The following VWC2L variants were observed in gnomAD, a reference collection of about 807,000 sequenced individuals.
The protein encoded by VWC2L is von Willebrand factor C domain containing 2 like, also known as von Willebrand factor C domain-containing protein 2-like.
VWC2L carries 10 observed loss-of-function variants against 21.6 expected under a neutral mutation model. The ratio of observed to expected loss-of-function variants is 0.46; its 90% confidence interval spans 0.29 to 0.78. The LOEUF is 0.78. VWC2L is among the 30% of genes least tolerant of loss of function. The probability of loss-of-function intolerance (pLI) is 0.10; values close to 1 mark genes in which losing one functional copy is unlikely to be tolerated. For missense variants in VWC2L, 209 were observed against 277.1 expected (o/e 0.75, Z 1.74); for synonymous variants, 96 against 94.3 (o/e 1.02, Z -0.10).
At chr2:214,442,432 T>G (rs948410682) in intron 3 of VWC2L, among the ~76,000 whole-genome samples, 1 of 152,156 alleles carries the variant, frequency 6.6e-6, no homozygotes, top group Non-Finnish European at 1.5e-5. Flanking sequence ...AATACAAAAA[T>G]TATTATCTCA....
At chr2:214,510,599 T>C (rs1689037446) in intron 3 of VWC2L, among the ~76,000 whole-genome samples, 1 of 152,220 alleles carries the variant, frequency 6.6e-6, no homozygotes, top group South Asian at 2.1e-4. Flanking sequence ...GTCAATCTAA[T>C]ATCAAATACT....
intron 2 of VWC2L, among the ~76,000 whole-genome samples, chr2:214,423,875 G>T (rs548250562): frequency 6.6e-6 from 1 of 151,916 alleles, no homozygotes; most frequent in Non-Finnish European, 1.5e-5. Context: ...GCTTTCTCAT[G>T]TATTTTGATG....
chr2:214,487,603 G>C (rs1688688327), intron 3 of VWC2L, among the ~76,000 whole-genome samples: 1 of 152,172 alleles, frequency 6.6e-6, no homozygotes, highest in Non-Finnish European at 1.5e-5. Flanking sequence ...CCTGAGCTAT[G>C]TTTTTAAGAA....
At chr2:214,421,989 A>G (rs572463622) in intron 2 of VWC2L, among the ~76,000 whole-genome samples, 1 of 138,472 alleles carries the variant, frequency 7.2e-6, no homozygotes, top group Non-Finnish European at 1.5e-5. Context: ...TCCCGGGTTC[A>G]CGCCATTCTC....
chr2:214,442,076 T>G (rs1043780129), intron 3 of VWC2L, among the ~76,000 whole-genome samples: 35 of 152,030 alleles, frequency 2.3e-4, no homozygotes, highest in African/African-American at 8.2e-4. Flanking sequence ...CACACCCGGC[T>G]AATTTTTGTA....
intron 3 of VWC2L, among the ~76,000 whole-genome samples, chr2:214,503,730 GAAA>G (rs5838438): frequency 7.0e-6 from 1 of 143,190 alleles, no homozygotes; most frequent in African/African-American, 2.6e-5. Flanking sequence ...CCAGAAATGA[GAAA>G]AAAAAAAAAA....
intron 3 of VWC2L, among the ~76,000 whole-genome samples, chr2:214,569,283 A>G (rs542410012): frequency 7.9e-5 from 12 of 152,056 alleles, no homozygotes; most frequent in Non-Finnish European, 1.6e-4. Flanking sequence ...TATAGCAACC[A>G]TGGTGCAGTT....
At position 214,443,053 on chromosome 2, in the gene VWC2L, G is replaced by A. The variant is rs558184897; in HGVS notation, c.520+6295G>A. On this transcript the variant is annotated intron_variant, in intron 3 of 3. Transcript: ENST00000312504. ...AATGAAGAGTCTAATATCATCTCAG[G>A]TTAGGGTTTAATCTCACCTGAGTTT... is the stretch of plus-strand genomic sequence containing the variant. Among the ~76,000 whole-genome samples, 3 of 152,204 alleles carry A rather than the reference G, an allele frequency of 2.0e-5. No homozygotes were observed. The East Asian group carries it at 5.8e-4, about 29-fold the overall frequency.
intron 2 of VWC2L, among the ~76,000 whole-genome samples, chr2:214,420,036 G>A (rs1702416434): frequency 6.6e-6 from 1 of 152,074 alleles, no homozygotes; most frequent in African/African-American, 2.4e-5. Flanking sequence ...TCCAGCCTGG[G>A]CAACAGAAGG....
intron 3 of VWC2L, among the ~76,000 whole-genome samples, chr2:214,452,372 T>C (rs1174098670): frequency 6.6e-6 from 1 of 152,150 alleles, no homozygotes; most frequent in Non-Finnish European, 1.5e-5. Flanking sequence ...GTCTCTACTC[T>C]TTTTCATCTA....
intron 3 of VWC2L, among the ~76,000 whole-genome samples, chr2:214,531,482 C>T (rs573049322): frequency 6.6e-5 from 10 of 152,254 alleles, no homozygotes; most frequent in East Asian, 1.9e-4. Context: ...AGCAATTTTG[C>T]ATTTTCTCTG....
At chr2:214,572,723 C>T (rs1008185308) in intron 3 of VWC2L, among the ~76,000 whole-genome samples, 35 of 152,140 alleles carry the variant, frequency 2.3e-4, no homozygotes, top group Non-Finnish European at 4.4e-4. Flanking sequence ...GCAGATAAGA[C>T]TATTAACAGC....
intron 3 of VWC2L, among the ~76,000 whole-genome samples, chr2:214,536,436 G>A (rs1011230603): frequency 6.6e-6 from 1 of 152,032 alleles, no homozygotes; most frequent in African/African-American, 2.4e-5. Flanking sequence ...AGCCAGCTAG[G>A]AAATTGACTA....
chr2:214,530,639 T>G (rs73074624), intron 3 of VWC2L, among the ~76,000 whole-genome samples: 9,533 of 152,028 alleles, frequency 0.063, 683 homozygotes, highest in African/African-American at 0.18. Context: ...AGTGAGAGGA[T>G]AGAAAAGAAA....
chr2:214,545,188 A>G (rs1689686505), intron 3 of VWC2L, among the ~76,000 whole-genome samples: 1 of 152,334 alleles, frequency 6.6e-6, no homozygotes, highest in African/African-American at 2.4e-5. Context: ...GTCAAAGTGG[A>G]TAAAAATATT....
At chr2:214,504,288 T>C (rs1027754396) in intron 3 of VWC2L, among the ~76,000 whole-genome samples, 4 of 152,238 alleles carry the variant, frequency 2.6e-5, no homozygotes, top group African/African-American at 4.8e-5. Context: ...TGAGTGATGT[T>C]GGAAGTAGCT....
intron 2 of VWC2L, among the ~76,000 whole-genome samples, chr2:214,425,578 T>C (rs563664790): frequency 6.6e-6 from 1 of 152,280 alleles, no homozygotes; most frequent in African/African-American, 2.4e-5. Context: ...TTATCTTTAA[T>C]TTAATATAAT....
chr2:214,551,712 C>T (rs180692627), intron 3 of VWC2L, among the ~76,000 whole-genome samples: 24 of 152,334 alleles, frequency 1.6e-4, no homozygotes, highest in Admixed American at 1.6e-3. Context: ...CTAGCAAAAT[C>T]CCAAACCCGC....
chr2:214,445,969 C>T (rs1702832038), intron 3 of VWC2L, among the ~76,000 whole-genome samples: 1 of 152,168 alleles, frequency 6.6e-6, no homozygotes, highest in Non-Finnish European at 1.5e-5. Context: ...TAGAAAGCCT[C>T]ATTGACCATT....
Sources: gnomAD v4.1 joint callset for allele counts (sites outside exome capture counted in the v4.1 genomes callset) on GRCh38, gnomAD v4.1.1 for gene constraint, MANE v1.5 for transcripts, NCBI Gene and HGNC (gene_info 2026-07-23, HGNC 2026-07-21) for gene names.